LHPP: variants seen among roughly 807,000 people sequenced by gnomAD.
The protein encoded by LHPP is phospholysine phosphohistidine inorganic pyrophosphate phosphatase, also known as hLHPP.
LHPP carries 24 observed loss-of-function variants against 30.3 expected under a neutral mutation model. The observed-to-expected ratio is 0.79, with a 90% CI of 0.57 to 1.11. LHPP has a LOEUF of 1.11. Ranked by LOEUF, LHPP falls within the 50% of genes most tolerant of loss-of-function variation. The probability of loss-of-function intolerance (pLI) is 0.00; values close to 1 mark genes in which losing one functional copy is unlikely to be tolerated. For synonymous variants in LHPP, 150 were observed against 157.1 expected, an observed-to-expected ratio of 0.95 and a Z score of 0.34; for missense variants, 356 against 367.2, an observed-to-expected ratio of 0.97 and a Z score of 0.25.
intron 6 of LHPP, among the ~76,000 whole-genome samples, chr10:124,604,586 C>A (rs1949068834): frequency 6.6e-6 from 1 of 152,172 alleles, no homozygotes; most frequent in Non-Finnish European, 1.5e-5. Context: ...GAAATAACCC[C>A]CCAGGCCCCC....
At chr10:124,558,516 G>A (rs1341269566) in intron 6 of LHPP, among the ~76,000 whole-genome samples, 2 of 152,238 alleles carry the variant, frequency 1.3e-5, no homozygotes, top group African/African-American at 4.8e-5. Flanking sequence ...TCCCAAGAGT[G>A]TGTGCCCTTG....
intron 6 of LHPP, among the ~76,000 whole-genome samples, chr10:124,585,000 T>G (rs529740979): frequency 6.6e-6 from 1 of 152,316 alleles, no homozygotes; most frequent in South Asian, 2.1e-4. Flanking sequence ...TGTCTAAGCA[T>G]ATATGAAACA....
intron 6 of LHPP, among the ~76,000 whole-genome samples, chr10:124,533,122 G>T (rs1029668821): frequency 6.6e-6 from 1 of 152,242 alleles, no homozygotes; most frequent in African/African-American, 2.4e-5. Flanking sequence ...GGAGTGGAAT[G>T]CTGGGTGCAT....
chr10:124,550,785 C>T (rs1422097235), intron 6 of LHPP, among the ~76,000 whole-genome samples: 6 of 152,310 alleles, frequency 3.9e-5, no homozygotes, highest in Middle Eastern at 3.4e-3. Context: ...CCAGGGCAGC[C>T]AGGAGGGACC....
In LHPP at chr10:124,590,484, G is replaced by A. The variant is rs1428735570; in HGVS notation, c.717-22780G>A. On this transcript the variant is annotated intron_variant, in intron 6 of 6. Coordinates refer to ENST00000368842, the MANE Select transcript of LHPP (RefSeq NM_022126.4). This position sits in a 1 kb window ranked among gnomAD's most constrained non-coding sequence, Gnocchi z 4.3. ...AACTCCAGGCTACCCCGAGAAAGCC[G>A]CTGTGTGACCCCATTAGGGGACTTG... Among the ~76,000 whole-genome samples the A allele has an allele frequency of 1.3e-5, 2 of 152,144 alleles. No homozygotes were observed. Among genetic ancestry groups the A allele is most frequent in the Non-Finnish European group, 2.9e-5 (2 of 68,026 alleles).
chr10:124,464,455 G>A (rs150206121), intron 1 of LHPP, among the ~76,000 whole-genome samples: 3,426 of 152,320 alleles, frequency 0.022, 75 homozygotes, highest in Middle Eastern at 0.071. Flanking sequence ...TGTTTGGGAG[G>A]CTGGGAACTG....
Position 124,523,500 on chromosome 10 carries a change from G to A in LHPP, c.716+6229G>A, listed in dbSNP as rs1267515015. Among the ~76,000 whole-genome samples, 1 of 152,268 alleles carries A rather than the reference G, an allele frequency of 6.6e-6. No individual in the cohort carries two copies. The highest frequency in any genetic ancestry group is 1.5e-5 in the Non-Finnish European group (1 of 68,052). On this transcript the variant is annotated intron_variant, in intron 6 of 6. Coordinates refer to ENST00000368842, the MANE Select transcript of LHPP (RefSeq NM_022126.4). The surrounding 1 kb of genome is among the most constrained non-coding windows in gnomAD (Gnocchi z 4.2). ...GGTCTTCCCAGACTTCGCAGTGACGGATTTCAGAGTGTTTCCTGTTACGAG... is the reference window on the plus strand; with the variant it reads ...GGTCTTCCCAGACTTCGCAGTGACGAATTTCAGAGTGTTTCCTGTTACGAG...
intron 1 of LHPP, among the ~76,000 whole-genome samples, chr10:124,469,997 G>A (rs1952679171): frequency 6.6e-6 from 1 of 152,226 alleles, no homozygotes; most frequent in Admixed American, 6.5e-5. Context: ...CCACACTGGT[G>A]CTGCTGGCCA....
chr10:124,470,678 C>CAAT (rs1203506721), intron 1 of LHPP, among the ~76,000 whole-genome samples: 5 of 114,266 alleles, frequency 4.4e-5, no homozygotes, highest in African/African-American at 1.5e-4. Context: ...ACAACAACAA[C>CAAT]AACAATAATA....
intron 6 of LHPP, among the ~76,000 whole-genome samples, chr10:124,553,267 A>G (rs955018652): frequency 6.6e-6 from 1 of 152,114 alleles, no homozygotes; most frequent in Non-Finnish European, 1.5e-5. Context: ...GGAGAAAGAG[A>G]ACAAGAAATC....
chr10:124,477,659 C>T (rs953698265), intron 1 of LHPP, among the ~76,000 whole-genome samples: 64 of 152,102 alleles, frequency 4.2e-4, no homozygotes, highest in South Asian at 1.5e-3. Context: ...GTACTGTGCC[C>T]GGTAGATTTT....
At chr10:124,607,864 C>A (rs1011552201) in intron 6 of LHPP, among the ~76,000 whole-genome samples, 1 of 152,192 alleles carries the variant, frequency 6.6e-6, no homozygotes. Context: ...CCTCAGCCCC[C>A]GACTCCTTGT....
At position 124,592,082 on chromosome 10, in the gene LHPP, G is replaced by T. The variant is rs992418605; in HGVS notation, c.717-21182G>T. Among the ~76,000 whole-genome samples, 2 of 152,180 alleles carry T rather than the reference G, an allele frequency of 1.3e-5. No individual in the cohort carries two copies. The highest frequency in any genetic ancestry group is 1.3e-4 in the Admixed American group (2 of 15,278). ...ATTAGTTAGGAAATCAAATATTGGG[G>T]TTGGGGAACAATAAGAGAAGGCAAG... On this transcript the variant is annotated intron_variant, in intron 6 of 6. Coordinates refer to ENST00000368842, the MANE Select transcript of LHPP (RefSeq NM_022126.4). This position sits in a 1 kb window ranked among gnomAD's most constrained non-coding sequence, Gnocchi z 6.2.
chr10:124,540,120 G>C (rs938296113), intron 6 of LHPP, among the ~76,000 whole-genome samples: 1 of 152,188 alleles, frequency 6.6e-6, no homozygotes, highest in Non-Finnish European at 1.5e-5. Context: ...TTACCTGCAG[G>C]TGCCCTGGCC....
At chr10:124,581,101 G>A (rs970370460) in intron 6 of LHPP, among the ~76,000 whole-genome samples, 2 of 152,174 alleles carry the variant, frequency 1.3e-5, no homozygotes, top group African/African-American at 4.8e-5. Flanking sequence ...ATACTCATCT[G>A]CTTTCTGCCT....
intron 6 of LHPP, among the ~76,000 whole-genome samples, chr10:124,598,552 A>C (rs985932799): frequency 6.6e-6 from 1 of 152,180 alleles, no homozygotes; most frequent in Non-Finnish European, 1.5e-5. Context: ...CCTGCTCTCC[A>C]GACAGTCAGG....
chr10:124,567,979 C>G (rs1589871371), intron 6 of LHPP, among the ~76,000 whole-genome samples: 2 of 152,306 alleles, frequency 1.3e-5, no homozygotes, highest in East Asian at 3.9e-4. Context: ...GTGGCGCGAT[C>G]TCGGCTCACT....
intron 3 of LHPP, chr10:124,490,431 T>C (rs1349707072): frequency 9.0e-6 from 3 of 332,942 alleles, no homozygotes; most frequent in East Asian, 1.6e-4. Flanking sequence ...CCTGAGAGAC[T>C]GCCTGGCCTT....
At chr10:124,525,898 G>GA (rs912334823) in intron 6 of LHPP, among the ~76,000 whole-genome samples, 4 of 152,200 alleles carry the variant, frequency 2.6e-5, no homozygotes, top group African/African-American at 9.7e-5. Flanking sequence ...CCGCCTGTGG[G>GA]AAAACCGGTG....
Sources: gnomAD v4.1 joint callset for allele counts (sites outside exome capture counted in the v4.1 genomes callset) on GRCh38, gnomAD v4.1.1 for gene constraint, Gnocchi (gnomAD v3.1) non-coding constraint, MANE v1.5 for transcripts, NCBI Gene and HGNC (gene_info 2026-07-23, HGNC 2026-07-21) for gene names.